NLRP1: variants seen among roughly 807,000 people sequenced by gnomAD.
NLRP1 encodes NACHT, LRR and PYD domains-containing protein 1.
A neutral mutation model predicts 136.7 loss-of-function variants in NLRP1; 94 were observed. The observed-to-expected ratio is 0.69, with a 90% CI of 0.58 to 0.82. The LOEUF is 0.82. Among genes scored for constraint, NLRP1 ranks in the 40% least tolerant of loss-of-function variants. The pLI is 0.00. For synonymous variants in NLRP1, 690 were observed against 725.1 expected (o/e 0.95, Z 0.78); for missense variants, 1,575 against 1,802.7 (o/e 0.87, Z 2.29).
intron 12 of NLRP1, among the ~76,000 whole-genome samples, chr17:5,526,464 G>C (rs1000493665): frequency 2.0e-5 from 3 of 152,278 alleles, no homozygotes; most frequent in Admixed American, 1.3e-4. Flanking sequence ...AGTGGGAATG[G>C]GGCGAGACCC....
downstream of NLRP1, among the ~76,000 whole-genome samples, chr17:5,509,511 T>C (rs1168800526): frequency 2.6e-5 from 4 of 152,204 alleles, no homozygotes; most frequent in Admixed American, 1.3e-4. Context: ...AGGAAAGGCA[T>C]TAAGCTCAGC....
At chr17:5,506,658 G>A (rs1041981607) in intron 15 of NLRP1, among the ~76,000 whole-genome samples, 21 of 151,800 alleles carry the variant, frequency 1.4e-4, no homozygotes, top group Non-Finnish European at 2.5e-4. Context: ...TTGGGAAGCC[G>A]AGGCGGGAGG....
At chr17:5,577,273 C>A (rs1191359762) in intron 3 of NLRP1, among the ~76,000 whole-genome samples, 4 of 152,134 alleles carry the variant, frequency 2.6e-5, no homozygotes, top group Non-Finnish European at 5.9e-5. Flanking sequence ...GGCAATCAGG[C>A]AGGAGAAAGA....
intron 12 of NLRP1, among the ~76,000 whole-genome samples, chr17:5,526,337 T>A (rs1301692550): frequency 6.6e-6 from 1 of 152,204 alleles, no homozygotes; most frequent in East Asian, 1.9e-4. Flanking sequence ...TATATTGTTA[T>A]ACGATTCAGT....
chr17:5,539,444 C>T lies in NLRP1; in HGVS notation c.2841G>A (p.Arg947=), dbSNP rs143175019. The T allele has an allele frequency of 8.0e-5, 129 of 1,613,648 alleles. No homozygotes were observed. Among genetic ancestry groups the T allele is most frequent in the Non-Finnish European group, 1.1e-4 (124 of 1,179,842 alleles). ...VGVRLLCEGL[R]HPACKLIRLG... is the part of the protein sequence containing the mutation. ...GGCGTATGAGTTTGCAGGCAGGATG[C>T]CTGAGCCCCTCACAGAGCAGTCGCA... Residue 947 remains arginine, a synonymous_variant, in exon 7 of 17, where the codon AGG becomes AGA. Transcript: ENST00000572272.
chr17:5,543,536 C>T (rs1173953154), intron 5 of NLRP1, among the ~76,000 whole-genome samples: 2 of 151,942 alleles, frequency 1.3e-5, no homozygotes, highest in African/African-American at 4.8e-5. Flanking sequence ...CATGAAAGTT[C>T]CTGAGGCCAG....
At chr17:5,533,551 GTTTTTTTTTTTT>G (rs35006823) in intron 9 of NLRP1, among the ~76,000 whole-genome samples, 167 bp from the exon 10 acceptor site, 1 of 90,018 alleles carries the variant, frequency 1.1e-5, no homozygotes, top group African/African-American at 4.4e-5. Flanking sequence ...GTGAGACTCT[GTTTTTTTTTTTT>G]TTTTTTTTTT....
At chr17:5,564,029 T>C (rs1915048776) in intron 3 of NLRP1, among the ~76,000 whole-genome samples, 1 of 152,160 alleles carries the variant, frequency 6.6e-6, no homozygotes, top group Non-Finnish European at 1.5e-5. Context: ...AATAATTTCT[T>C]TTCTTTTTTA....
intron 3 of NLRP1, among the ~76,000 whole-genome samples, chr17:5,567,429 A>G (rs1915457171): frequency 2.1e-5 from 3 of 145,156 alleles, no homozygotes; most frequent in Non-Finnish European, 2.9e-5. Flanking sequence ...ACAAATAAAC[A>G]AACAGGCAGA....
At position 5,533,367 on chromosome 17, in the gene NLRP1, C is replaced by G; in HGVS notation, c.3070G>C (p.Val1024Leu). The G allele has an allele frequency of 8.0e-7, 1 of 1,255,756 alleles. No individual in the cohort carries two copies. 77.8% of individuals were successfully genotyped at this position (1,255,756 alleles called of 1,614,324 possible). Residue 1024 changes from valine to leucine, a missense_variant, in exon 10 of 17, where the codon GTT (valine) becomes CTT (leucine). Physicochemically the swap from Val to Leu is conservative, Grantham distance 32 (BLOSUM62 1). Transcript: ENST00000572272. ...RLGSERAASH[V>L]AQANLKLLDV... Reference sequence around the variant, plus strand: ...AGGAGTTTGAGATTAGCCTGAGCAACATGGGAAGCCGCCCTCTCTACAGAA... The same window carrying G: ...AGGAGTTTGAGATTAGCCTGAGCAAGATGGGAAGCCGCCCTCTCTACAGAA...
intron 9 of NLRP1, 81 bp downstream of exon 9, chr17:5,533,816 A>G: frequency 1.1e-6 from 1 of 913,482 alleles, no homozygotes; most frequent in South Asian, 1.5e-5. Flanking sequence ...TCAGGGGCAG[A>G]GGGATGGAGG....
In NLRP1 at chr17:5,532,819, C is replaced by A; in HGVS notation, c.3296+3G>T. 1 of 1,594,014 alleles carries A rather than the reference C, an allele frequency of 6.3e-7. No individual in the cohort carries two copies. The highest frequency in any genetic ancestry group is 8.5e-7 in the Non-Finnish European group (1 of 1,171,830). Reference sequence around the variant, plus strand: ...CTGGGACCAGCAGAGCCCCCTCACTCACCGGTACAAGTTCTTTTCTTTGTC... The same window carrying A: ...CTGGGACCAGCAGAGCCCCCTCACTAACCGGTACAAGTTCTTTTCTTTGTC... On this transcript the variant is annotated splice_donor_region_variant and intron_variant, in intron 11 of 16. Coordinates refer to ENST00000572272, the MANE Select transcript of NLRP1 (RefSeq NM_033004.4).
At position 5,583,848 on chromosome 17, in the gene NLRP1, G is replaced by A; in HGVS notation, c.110C>T (p.Ser37Phe). 3 of 1,572,678 alleles carry A rather than the reference G, an allele frequency of 1.9e-6. No individual in the cohort carries two copies. The highest frequency in any genetic ancestry group is 1.2e-5 in the South Asian group (1 of 86,224). The stretch of plus-strand genomic sequence containing the variant: ...TGGCTGAGCGGGTGTCTCACCCGAA[G>A]AGCTCCTGGAGTGCGCTTTATTGGC... ...LLANKAHSRS[S>F]SGETPAQPEK... Residue 37 changes from serine to phenylalanine, a missense_variant, in exon 1 of 17, where the codon TCT (serine) becomes TTT (phenylalanine). Transcript: ENST00000572272. This position sits in a 1 kb window ranked among gnomAD's most constrained non-coding sequence, Gnocchi z 4.5.
chr17:5,512,012 T>C (rs1243003316), downstream of NLRP1: 1 of 569,708 alleles, frequency 1.8e-6, no homozygotes, highest in East Asian at 3.0e-5. Context: ...AACAATGAGG[T>C]GGTAACTAAT....
At chr17:5,512,951 T>A (rs1473343896), downstream of NLRP1, among the ~76,000 whole-genome samples, 1 of 152,202 alleles carries the variant, frequency 6.6e-6, no homozygotes, top group Non-Finnish European at 1.5e-5. Flanking sequence ...CCACCTCCTG[T>A]GTCACCCCCA....
At position 5,583,399 on chromosome 17, in the gene NLRP1, G is replaced by A. The variant is rs1408873121; in HGVS notation, c.271+288C>T. On this transcript the variant is annotated intron_variant, in intron 1 of 16. Coordinates refer to ENST00000572272, the MANE Select transcript of NLRP1 (RefSeq NM_033004.4). This position sits in a 1 kb window ranked among gnomAD's most constrained non-coding sequence, Gnocchi z 4.5. ...GGTGATAGTGCCAGGACTGGTGATAGTGCCTGACTCCCAAGTCCGTGCTCA... is the reference window on the plus strand; with the variant it reads ...GGTGATAGTGCCAGGACTGGTGATAATGCCTGACTCCCAAGTCCGTGCTCA... Among the ~76,000 whole-genome samples the A allele has an allele frequency of 1.3e-5, 2 of 152,218 alleles. No homozygotes were observed. The highest frequency in any genetic ancestry group is 2.9e-5 in the Non-Finnish European group (2 of 68,046).
In NLRP1 at chr17:5,542,045, C is replaced by A. The variant is rs199476210; in HGVS notation, c.2529-18G>T. The A allele has an allele frequency of 1.1e-4, 184 of 1,608,054 alleles. No individual in the cohort carries two copies. The highest frequency in any genetic ancestry group is 1.5e-4 in the Non-Finnish European group (180 of 1,177,590). The stretch of plus-strand genomic sequence containing the variant: ...CAGCCAACCTGTGGAAGACACACAC[C>A]CATGGTCTTCAGGTTACTCACCTGT... On this transcript the variant is annotated intron_variant, in intron 5 of 16. Transcript: ENST00000572272.
intron 6 of NLRP1, among the ~76,000 whole-genome samples, chr17:5,540,574 G>A (rs543446239): frequency 6.6e-6 from 1 of 152,182 alleles, no homozygotes; most frequent in Non-Finnish European, 1.5e-5. Context: ...GTCAGACCTG[G>A]CTTCAAATCC....
At chr17:5,503,451 G>C (rs1239707604) in intron 15 of NLRP1, 1 of 152,286 alleles carries the variant, frequency 6.6e-6, no homozygotes, top group East Asian at 1.9e-4. Context: ...TTTGCATATT[G>C]AGAAGATGTG....
Sources: gnomAD v4.1 joint callset for allele counts (sites outside exome capture counted in the v4.1 genomes callset) on GRCh38, gnomAD v4.1.1 for gene constraint, Gnocchi (gnomAD v3.1) non-coding constraint, MANE v1.5 for transcripts, NCBI Gene and HGNC (gene_info 2026-07-23, HGNC 2026-07-21) for gene names.